ZNF420: variants seen among roughly 807,000 people sequenced by gnomAD.
ZNF420 encodes zinc finger protein 420, also known as ATM and p53-associated KZNF protein.
Under a neutral mutation model 44.7 loss-of-function variants are expected in ZNF420, and 31 were observed. That is an observed-to-expected ratio of 0.69 (90% CI 0.52 to 0.94). ZNF420 has a LOEUF of 0.94. Ranked by LOEUF, ZNF420 falls within the 40% of genes least tolerant of loss-of-function variation. The probability of loss-of-function intolerance (pLI) is 0.00; values close to 1 mark genes in which losing one functional copy is unlikely to be tolerated. For missense variants in ZNF420, 681 were observed against 827.9 expected (o/e 0.82, Z 2.18); for synonymous variants, 245 against 267.4 (o/e 0.92, Z 0.82).
intron 4 of ZNF420, among the ~76,000 whole-genome samples, chr19:37,123,887 C>T (rs1971201837): frequency 6.6e-6 from 1 of 152,056 alleles, no homozygotes; most frequent in African/African-American, 2.4e-5. Context: ...GTATTACAGG[C>T]ATGAGCCACT....
At chr19:37,067,731 A>G (rs1052335753) in intron 1 of ZNF420, among the ~76,000 whole-genome samples, 50 of 152,184 alleles carry the variant, frequency 3.3e-4, no homozygotes, top group African/African-American at 1.2e-3. Context: ...AAGAAAAGTG[A>G]TGCAAGAAGG....
chr19:37,049,006 A>C (rs1056122555), intron 1 of ZNF420, among the ~76,000 whole-genome samples: 3 of 151,714 alleles, frequency 2.0e-5, no homozygotes, highest in African/African-American at 7.3e-5. Flanking sequence ...TGAGAATGAT[A>C]GTTTCCAGCT....
At chr19:37,024,357 C>T (rs1389183210) in intron 1 of ZNF420, among the ~76,000 whole-genome samples, 1 of 152,138 alleles carries the variant, frequency 6.6e-6, no homozygotes, top group Non-Finnish European at 1.5e-5. Flanking sequence ...CCTCCTGAGG[C>T]TGGGTCACAG....
At chr19:37,012,764 C>CTGTGTGTGTGTG (rs759249724) in intron 1 of ZNF420, among the ~76,000 whole-genome samples, 47 of 132,368 alleles carry the variant, frequency 3.6e-4, no homozygotes, top group African/African-American at 1.2e-3. Flanking sequence ...TGCTATATGT[C>CTGTGTGTGTGTG]TCTGTGTGTG....
At chr19:37,104,670 T>G (rs908764771) in intron 4 of ZNF420, among the ~76,000 whole-genome samples, 1 of 152,340 alleles carries the variant, frequency 6.6e-6, no homozygotes, top group South Asian at 2.1e-4. Flanking sequence ...TTTTTAATGA[T>G]TGCCATTCTA....
intron 1 of ZNF420, among the ~76,000 whole-genome samples, chr19:37,020,216 CAAAAAAAA>C (rs376616699): frequency 1.0e-3 from 101 of 99,870 alleles, no homozygotes; most frequent in African/African-American, 3.3e-3. Flanking sequence ...GACTCCGTCT[CAAAAAAAA>C]AAAAAAAAAA....
intron 1 of ZNF420, among the ~76,000 whole-genome samples, chr19:37,022,356 G>A (rs928741246): frequency 2.0e-5 from 3 of 151,646 alleles, no homozygotes; most frequent in Non-Finnish European, 4.4e-5. Flanking sequence ...TGTGCAAAAG[G>A]AATATAAATT....
chr19:37,030,303 A>C (rs1378652420), intron 1 of ZNF420, among the ~76,000 whole-genome samples: 1 of 152,170 alleles, frequency 6.6e-6, no homozygotes, highest in African/African-American at 2.4e-5. Context: ...CTGTGATTAC[A>C]GGCGTGTGCC....
intron 4 of ZNF420, among the ~76,000 whole-genome samples, chr19:37,114,800 T>C (rs1970569855): frequency 6.6e-6 from 1 of 152,172 alleles, no homozygotes; most frequent in African/African-American, 2.4e-5. Flanking sequence ...CTAAAGCTAC[T>C]TTAATAATGG....
Position 37,130,308 on chromosome 19 carries a change from C to T in ZNF420, c.*1250C>T. 5 of 1,399,886 alleles carry T rather than the reference C, an allele frequency of 3.6e-6. No individual in the cohort carries two copies. The highest frequency in any genetic ancestry group is 4.7e-6 in the Non-Finnish European group (5 of 1,073,790). 86.7% of individuals were successfully genotyped at this position (1,399,886 alleles called of 1,614,324 possible). Reference sequence around the variant, plus strand: ...TTTCTCTTTAAATAAAATTAAACATCTTATTTGTTGATGCTATTGTAGTTC... The same window carrying T: ...TTTCTCTTTAAATAAAATTAAACATTTTATTTGTTGATGCTATTGTAGTTC... On this transcript the variant is annotated 3_prime_UTR_variant, in exon 5 of 5. Coordinates refer to ENST00000337995, the MANE Select transcript of ZNF420 (RefSeq NM_144689.5).
intron 4 of ZNF420, among the ~76,000 whole-genome samples, chr19:37,117,141 C>T (rs1465364418): frequency 6.6e-6 from 1 of 151,944 alleles, no homozygotes. Context: ...GATCTGAGAA[C>T]GGACAGACTG....
At chr19:37,042,557 A>G (rs1967474099) in intron 1 of ZNF420, among the ~76,000 whole-genome samples, 1 of 152,246 alleles carries the variant, frequency 6.6e-6, no homozygotes, top group Admixed American at 6.5e-5. Context: ...AATTAGTCCA[A>G]GGGAGTCCAA....
rs1971427209 is a variant in ZNF420, at chr19:37,127,631, C to G, written c.640C>G (p.His214Asp). 6.2e-7 allele frequency: 1 copy of G among 1,613,730 alleles called. No individual in the cohort carries two copies. The highest frequency in any genetic ancestry group is 8.5e-7 in the Non-Finnish European group (1 of 1,179,914). Residue 214 changes from histidine (H) to aspartate (D), a missense_variant, in exon 5 of 5, where the codon CAT (histidine) becomes GAT (aspartate). Physicochemically the swap from His to Asp is moderately conservative, Grantham distance 81. This residue lies in a region of ZNF420 where 350 missense variants were observed against 382.5 expected (regional missense o/e 0.92). Coordinates refer to ENST00000337995, the MANE Select transcript of ZNF420 (RefSeq NM_144689.5). ...FTQSSQLILH[H>D]RIHTGEKPYK... ...TCAAAGCTCACAACTTATTTTACATCATAGAATTCATACTGGTGAAAAACC... is the reference window on the plus strand; with the variant it reads ...TCAAAGCTCACAACTTATTTTACATGATAGAATTCATACTGGTGAAAAACC...
intron 4 of ZNF420, among the ~76,000 whole-genome samples, chr19:37,113,427 T>C (rs1252470960): frequency 2.0e-5 from 3 of 152,186 alleles, no homozygotes; most frequent in Non-Finnish European, 4.4e-5. Flanking sequence ...ATCACAGGCT[T>C]TTACGTACTC....
chr19:37,064,052 G>T (rs938590531), intron 1 of ZNF420, among the ~76,000 whole-genome samples: 1 of 152,088 alleles, frequency 6.6e-6, no homozygotes, highest in East Asian at 1.9e-4. Flanking sequence ...ATAAGGTTCC[G>T]AGTTGTAGAA....
chr19:37,091,103 A>G lies in ZNF420; in HGVS notation c.118A>G (p.Ser40Gly). ...LYRDVMLENYSNLVSLDLPSR... is the reference protein window; with the variant it reads ...LYRDVMLENYGNLVSLDLPSR... ...TAGAGATGTGATGTTGGAGAACTAT[A>G]GCAACTTGGTATCACTAGGTAAGGA... is the stretch of plus-strand genomic sequence containing the variant. The change falls in exon 4 of 5, where the codon AGC (serine) becomes GGC (glycine). Residue 40 changes from serine (S) to glycine (G), a missense_variant. Ser to Gly is a moderately conservative substitution (Grantham distance 56, BLOSUM62 0). This residue lies in a region of ZNF420 where 350 missense variants were observed against 382.5 expected (regional missense o/e 0.92). Transcript: ENST00000337995. 6.3e-7 allele frequency: 1 copy of G among 1,593,922 alleles called. No homozygotes were observed.
At chr19:37,057,978 T>A (rs552548894) in intron 1 of ZNF420, among the ~76,000 whole-genome samples, 1 of 152,236 alleles carries the variant, frequency 6.6e-6, no homozygotes, top group South Asian at 2.1e-4. Context: ...TCTGGACAAG[T>A]CACCCATTTG....
intron 4 of ZNF420, among the ~76,000 whole-genome samples, chr19:37,095,373 T>C (rs1215076237): frequency 6.6e-6 from 1 of 152,214 alleles, no homozygotes; most frequent in Non-Finnish European, 1.5e-5. Context: ...CTTTGATCTG[T>C]TTCTCCAATC....
At chr19:37,124,491 G>A (rs747803058) in intron 4 of ZNF420, among the ~76,000 whole-genome samples, 5 of 152,230 alleles carry the variant, frequency 3.3e-5, no homozygotes, top group East Asian at 3.9e-4. Flanking sequence ...TATGCTAAAT[G>A]TATGTTTAAC....
Sources: gnomAD v4.1 joint callset for allele counts (sites outside exome capture counted in the v4.1 genomes callset) on GRCh38, gnomAD v4.1.1 for gene constraint, gnomAD v4.1.1 regional missense constraint, MANE v1.5 for transcripts, NCBI Gene and HGNC (gene_info 2026-07-23, HGNC 2026-07-21) for gene names.